FYB2: variants seen among roughly 807,000 people sequenced by gnomAD.
The protein encoded by FYB2 is FYN binding protein 2.
In FYB2, 103 loss-of-function variants were observed where a neutral mutation model predicts 94.1. That is an observed-to-expected ratio of 1.09 (90% CI 0.93 to 1.29). FYB2 has a LOEUF of 1.29. Among genes scored for constraint, FYB2 ranks in the 50% most tolerant of loss-of-function variants. The probability of loss-of-function intolerance (pLI) is 0.00; values close to 1 mark genes in which losing one functional copy is unlikely to be tolerated. For synonymous variants in FYB2, 293 were observed against 287.9 expected, an observed-to-expected ratio of 1.02 and a Z score of -0.18; for missense variants, 896 against 841.5, an observed-to-expected ratio of 1.06 and a Z score of -0.80.
chr1:56,732,439 C>G (rs539341750), intron 15 of FYB2, among the ~76,000 whole-genome samples: 2 of 152,110 alleles, frequency 1.3e-5, no homozygotes, highest in African/African-American at 2.4e-5. Context: ...CAATCCCCAT[C>G]AAAATACCAA....
chr1:56,783,915 G>A (rs1319651724), intron 4 of FYB2, among the ~76,000 whole-genome samples: 1 of 152,078 alleles, frequency 6.6e-6, no homozygotes, highest in African/African-American at 2.4e-5. Flanking sequence ...TGCCCTTGCT[G>A]GGAGGTTACA....
In FYB2 at chr1:56,789,488, C is replaced by T. The variant is rs558829084; in HGVS notation, c.758-354G>A. ...ATTCTCCGTATTTGATTTAGATAGC[C>T]TTAAAAAGCTCTCATATATCCAAAA... On this transcript the variant is annotated intron_variant, in intron 2 of 19. Transcript: ENST00000343433. Among the ~76,000 whole-genome samples, 152 of 152,306 alleles carry T rather than the reference C, an allele frequency of 1.0e-3. 1 individual carries two copies. The highest frequency in any genetic ancestry group is 3.5e-3 in the African/African-American group (146 of 41,570).
chr1:56,818,873 A>T (rs1218784727), intron 1 of FYB2, among the ~76,000 whole-genome samples: 1 of 152,182 alleles, frequency 6.6e-6, no homozygotes, highest in African/African-American at 2.4e-5. Context: ...TCCTAGCACC[A>T]AGCACTGCTC....
chr1:56,754,720 A>ACCCCT (rs1645283610), intron 7 of FYB2, among the ~76,000 whole-genome samples: 1 of 151,908 alleles, frequency 6.6e-6, no homozygotes, highest in Admixed American at 6.6e-5. Context: ...CCTCCAAGTA[A>ACCCCT]CCCCTCACTC....
chr1:56,760,373 C>T (rs1365275677), intron 5 of FYB2, among the ~76,000 whole-genome samples: 1 of 152,026 alleles, frequency 6.6e-6, no homozygotes, highest in Non-Finnish European at 1.5e-5. Context: ...CAATGAAATG[C>T]TAGGTTTTGT....
chr1:56,782,428 G>A (rs1381169028), intron 4 of FYB2, among the ~76,000 whole-genome samples: 1 of 151,960 alleles, frequency 6.6e-6, no homozygotes, highest in Non-Finnish European at 1.5e-5. Flanking sequence ...CCTTTGATAA[G>A]GCATCTATTC....
rs147375852 is a variant in FYB2 at position 56,819,271 on chromosome 1, G to C, written c.9+11C>G. The C allele has an allele frequency of 5.3e-4, 862 of 1,614,222 alleles. 1 individual carries two copies. Among genetic ancestry groups the C allele is most frequent in the Middle Eastern group, 1.8e-3 (11 of 6,062 alleles). Reference sequence around the variant, plus strand: ...CACAGAAAGCCAGCAACAAAACTGAGACAGCCTTACCCCTTCCATTGCTTT... The same window carrying C: ...CACAGAAAGCCAGCAACAAAACTGACACAGCCTTACCCCTTCCATTGCTTT... On this transcript the variant is annotated intron_variant, in intron 1 of 19. Transcript: ENST00000343433.
At chr1:56,780,403 G>T (rs578146264) in intron 4 of FYB2, among the ~76,000 whole-genome samples, 41 of 151,940 alleles carry the variant, frequency 2.7e-4, no homozygotes, top group South Asian at 6.2e-4. Context: ...GATGTGTAGA[G>T]CAAGCCATGA....
chr1:56,795,656 A>C lies in FYB2; in HGVS notation c.10-2853T>G, dbSNP rs189275165. 7.4e-3 allele frequency among the ~76,000 whole-genome samples: 1,123 copies of C among 151,336 alleles called. 20 individuals carry two copies. The highest frequency in any genetic ancestry group is 0.026 in the African/African-American group (1,091 of 41,188). On this transcript the variant is annotated intron_variant, in intron 1 of 19. Coordinates refer to ENST00000343433, the MANE Select transcript of FYB2 (RefSeq NM_001004303.5). ...ACCAACACTTTTTTTTTTTTACAAT[A>C]GCCATCCTAATGGTTATGAGTTTGT...
chr1:56,784,942 C>G (rs945037924), intron 4 of FYB2, among the ~76,000 whole-genome samples: 6 of 152,208 alleles, frequency 3.9e-5, no homozygotes, highest in African/African-American at 1.4e-4. Context: ...TCTTTCATCT[C>G]CCATGAAGGT....
chr1:56,723,602 TA>T lies in FYB2; in HGVS notation c.1959del (p.Phe653LeufsTer33). 6.5e-7 allele frequency: 1 copy of T among 1,547,624 alleles called. No individual in the cohort carries two copies. The highest frequency in any genetic ancestry group is 8.9e-7 in the Non-Finnish European group (1 of 1,125,760). On this transcript the variant is annotated frameshift_variant, in exon 17 of 20. Transcript: ENST00000343433. LOFTEE classifies it high-confidence loss of function. ...KNRMKREEKL[F>X]RERFKYDKEI... ...AGAGAACGTACCTTAAACCTTTCTC[TA>T]AATAGTTTTTCTTCTCTTTTCATTC...
intron 1 of FYB2, among the ~76,000 whole-genome samples, chr1:56,807,882 A>G (rs979797588): frequency 5.3e-5 from 8 of 152,216 alleles, no homozygotes; most frequent in South Asian, 2.1e-4. Flanking sequence ...AAATGGCAAC[A>G]ATAATAGTAT....
intron 1 of FYB2, among the ~76,000 whole-genome samples, chr1:56,818,692 C>A (rs1488661601): frequency 6.6e-6 from 1 of 152,172 alleles, no homozygotes; most frequent in Admixed American, 6.5e-5. Context: ...TCTATTTATA[C>A]AAGCACCTCT....
intron 1 of FYB2, among the ~76,000 whole-genome samples, chr1:56,811,018 C>A (rs1646754786): frequency 6.6e-6 from 1 of 152,160 alleles, no homozygotes; most frequent in Non-Finnish European, 1.5e-5. Context: ...TCATCAACAG[C>A]AACAGCAGCA....
intron 1 of FYB2, among the ~76,000 whole-genome samples, chr1:56,813,351 T>C (rs114615250): frequency 0.032 from 4,815 of 152,300 alleles, 132 homozygotes; most frequent in Middle Eastern, 0.061. Context: ...GGAAAAGGCA[T>C]GTCCTACATG....
chr1:56,720,463 G>A, intron 17 of FYB2, 134 bp from the exon 18 acceptor site: 1 of 720,060 alleles, frequency 1.4e-6, no homozygotes, highest in East Asian at 3.2e-5. Flanking sequence ...ACACATACAG[G>A]AAGAGAAAAT....
At chr1:56,814,720 T>A (rs1412429405) in intron 1 of FYB2, among the ~76,000 whole-genome samples, 1 of 152,156 alleles carries the variant, frequency 6.6e-6, no homozygotes, top group African/African-American at 2.4e-5. Flanking sequence ...CAGTCTACTC[T>A]CCCAAGAACA....
chr1:56,771,913 G>GT (rs56090216), intron 4 of FYB2, among the ~76,000 whole-genome samples: 97 of 151,000 alleles, frequency 6.4e-4, no homozygotes, highest in African/African-American at 1.6e-3. Flanking sequence ...ATATTTTCTA[G>GT]TTTTTTTTGC....
In FYB2 at chr1:56,788,992, A is replaced by T; in HGVS notation, c.900T>A (p.Val300=). ...CCTTACCTTCCCCCTGAGTCTTGGG[A>T]ACAGCAGCTGGCTGCCTCTGAAAGG... ...LQAFQRQPAA[V]PKTQGEVTVE... is the part of the protein sequence containing the mutation. Residue 300 remains valine (V), a synonymous_variant, in exon 3 of 20, where the codon GTT becomes GTA. Coordinates refer to ENST00000343433, the MANE Select transcript of FYB2 (RefSeq NM_001004303.5). 1 of 1,613,952 alleles carries T rather than the reference A, an allele frequency of 6.2e-7. No individual in the cohort carries two copies.
Sources: allele counts gnomAD v4.1 joint callset (sites outside exome capture counted in the v4.1 genomes callset), GRCh38; gene constraint gnomAD v4.1.1; transcripts MANE v1.5; gene names NCBI Gene and HGNC (gene_info 2026-07-23, HGNC 2026-07-21).